Variants in PSG6 observed in about 807,000 individuals in gnomAD.
PSG6 encodes the protein pregnancy-specific beta-1-glycoprotein 6.
In PSG6, 51 loss-of-function variants were observed where a neutral mutation model predicts 43.3. The ratio of observed to expected loss-of-function variants is 1.18; its 90% CI spans 0.94 to 1.49. The LOEUF is 1.49. Ranked by LOEUF, PSG6 falls within the 40% of genes most tolerant of loss-of-function variation. The pLI, the probability that PSG6 is intolerant of heterozygous loss-of-function variation, is 0.00. For missense variants in PSG6, 770 were observed against 522.2 expected (o/e 1.47, Z -4.62); for synonymous variants, 292 against 197.6 (o/e 1.48, Z -4.01).
chr19:42,915,165 G>A (rs1972301719), intron 2 of PSG6: 1 of 151,670 alleles, frequency 6.6e-6, no homozygotes, highest in African/African-American at 2.4e-5. Context: ...TCCCCTTTGT[G>A]TTTGTGTGAC....
intron 5 of PSG6, among the ~76,000 whole-genome samples, chr19:42,902,662 T>A (rs1365865027): frequency 6.6e-6 from 1 of 151,590 alleles, no homozygotes; most frequent in Non-Finnish European, 1.5e-5. Flanking sequence ...TTCTCTTTCT[T>A]TTTCACAGGA....
intron 5 of PSG6, among the ~76,000 whole-genome samples, chr19:42,903,281 G>C (rs1217434075): frequency 2.6e-5 from 4 of 151,614 alleles, no homozygotes; most frequent in African/African-American, 9.7e-5. Context: ...TGAGGAATCA[G>C]GGGTTCAGAG....
At position 42,916,634 on chromosome 19, in the gene PSG6, A is replaced by T. The variant is rs1382959111; in HGVS notation, c.65-147T>A. The T allele has an allele frequency of 3.1e-6, 4 of 1,284,558 alleles. No homozygotes were observed. The East Asian group carries it at 7.1e-5, about 23-fold the overall frequency. The allele number at this position is 1,284,558 out of a possible 1,614,324, so 79.6% of individuals were successfully genotyped here. On this transcript the variant is annotated intron_variant, in intron 1 of 5. Transcript: ENST00000187910. Reference sequence around the variant, plus strand: ...TACAAACACACACACACAAAAGGGCATGTGTGTTTGTGTGTGTGTATGTGT... The same window carrying T: ...TACAAACACACACACACAAAAGGGCTTGTGTGTTTGTGTGTGTGTATGTGT...
intron 2 of PSG6, among the ~76,000 whole-genome samples, chr19:42,914,960 A>G (rs1470388588): frequency 2.8e-4 from 42 of 151,682 alleles, no homozygotes; most frequent in Admixed American, 1.4e-3. Flanking sequence ...TGGCGGTTGA[A>G]GCCAGTGATT....
intron 1 of PSG6, 151 bp from the exon 2 acceptor site, chr19:42,916,638 G>A: frequency 8.0e-7 from 1 of 1,246,248 alleles, no homozygotes; most frequent in African/African-American, 1.5e-5. Context: ...AAGGGCATGT[G>A]TGTTTGTGTG....
rs752804357 is a variant in PSG6 at position 42,910,682 on chromosome 19, A to G, written c.604T>C (p.Tyr202His). 1.2e-6 allele frequency: 2 copies of G among 1,612,388 alleles called. No individual in the cohort carries two copies. Among genetic ancestry groups the G allele is most frequent in the Non-Finnish European group, 1.7e-6 (2 of 1,179,264 alleles). ...ATATACTTTGTGACACCAAATAGATAGAGGGTCCTGTTGGTTTTGGACAGC... is the reference window on the plus strand; with the variant it reads ...ATATACTTTGTGACACCAAATAGATGGAGGGTCCTGTTGGTTTTGGACAGC... ...LQLSKTNRTL[Y>H]LFGVTKYIAG... The change falls in exon 3 of 6, where the codon TAT (tyrosine) becomes CAT (histidine). Residue 202 changes from tyrosine (Y) to histidine (H), a missense_variant. Tyr to His is a moderately conservative substitution (Grantham distance 83). Transcript: ENST00000187910.
chr19:42,908,987 C>T (rs1301841421), intron 3 of PSG6, among the ~76,000 whole-genome samples: 2 of 151,448 alleles, frequency 1.3e-5, no homozygotes, highest in African/African-American at 2.4e-5. Context: ...GAGCTTGATG[C>T]CTATAGTTCA....
chr19:42,916,150 A>T lies in PSG6; in HGVS notation c.402T>A (p.Thr134=). 6.2e-7 allele frequency: 1 copy of T among 1,611,896 alleles called. No homozygotes were observed. The change falls in exon 2 of 6, where the codon ACT becomes ACA. Residue 134 remains threonine (T), a synonymous_variant. Transcript: ENST00000187910. Reference sequence around the variant, plus strand: ...AGTATAAGGTGACAGTGAAATATCCAGTTACTCCTCCAGTCCCATCGCCTC... The same window carrying T: ...AGTATAAGGTGACAGTGAAATATCCTGTTACTCCTCCAGTCCCATCGCCTC... The part of the protein sequence containing the change: ...IKRGDGTGGV[T]GYFTVTLYSE...
chr19:42,905,950 C>T (rs1972104502), intron 5 of PSG6, among the ~76,000 whole-genome samples: 1 of 151,352 alleles, frequency 6.6e-6, no homozygotes, highest in African/African-American at 2.4e-5. Flanking sequence ...TTATTGGGTA[C>T]AGAGGTTTAA....
rs1418298109 is a variant in PSG6, at chr19:42,907,459, T to G, written c.985+117A>C. 50 of 1,546,732 alleles carry G rather than the reference T, an allele frequency of 3.2e-5. 1 individual carries two copies. Among genetic ancestry groups the G allele is most frequent in the South Asian group, 1.8e-4 (14 of 78,624 alleles). On this transcript the variant is annotated intron_variant, in intron 4 of 5. Coordinates refer to ENST00000187910, the MANE Select transcript of PSG6 (RefSeq NM_001031850.4). Reference sequence around the variant, plus strand: ...CAGGGCAGGGAGTCATGGCCAGGTCTGATGTCCAGAAGTAAAGTTGTCTAT... The same window carrying G: ...CAGGGCAGGGAGTCATGGCCAGGTCGGATGTCCAGAAGTAAAGTTGTCTAT...
chr19:42,908,445 G>GT (rs1230825127), intron 3 of PSG6, among the ~76,000 whole-genome samples: 1 of 151,594 alleles, frequency 6.6e-6, no homozygotes, highest in Admixed American at 6.6e-5. Flanking sequence ...AGGTGGGGCA[G>GT]TTTTTTTGCA....
Position 42,907,077 on chromosome 19 carries a change from TC to T in PSG6, c.1084del (p.Glu362SerfsTer47), listed in dbSNP as rs776871738. 2 of 1,612,732 alleles carry T rather than the reference TC, an allele frequency of 1.2e-6. No individual in the cohort carries two copies. Among genetic ancestry groups the T allele is most frequent in the South Asian group, 1.1e-5 (1 of 90,848 alleles). ...CTTCCCATTAATTGTCCAAGAATAC[TC>T]TGCCGGTGGGTTAGAGTCCGCAAAG... The part of the protein sequence containing the change: ...SCFADSNPPA[E>X]YSWTINGKFQ... On this transcript the variant is annotated frameshift_variant, in exon 5 of 6. Coordinates refer to ENST00000187910, the MANE Select transcript of PSG6 (RefSeq NM_001031850.4). LOFTEE classifies it high-confidence loss of function.
rs777772347 is a variant in PSG6 at position 42,910,461 on chromosome 19, T to C, written c.706+119A>G. The stretch of plus-strand genomic sequence containing the variant: ...CCTGGAGCAGAAAGTCATGGCCAGC[T>C]TTGATGTTCAGGGATAAAGGTCTCT... On this transcript the variant is annotated intron_variant, in intron 3 of 5. Transcript: ENST00000187910. 11 of 1,609,672 alleles carry C rather than the reference T, an allele frequency of 6.8e-6. 1 individual carries two copies. Among genetic ancestry groups the C allele is most frequent in the Non-Finnish European group, 8.5e-6 (10 of 1,177,240 alleles).
At chr19:42,904,888 A>C (rs1464972309) in intron 5 of PSG6, among the ~76,000 whole-genome samples, 1 of 151,734 alleles carries the variant, frequency 6.6e-6, no homozygotes, top group Admixed American at 6.6e-5. Context: ...TTCAGCATTT[A>C]CTACAAAGCC....
chr19:42,902,578 A>G (rs550546790), intron 5 of PSG6, 132 bp from the exon 6 acceptor site: 94 of 1,255,520 alleles, frequency 7.5e-5, no homozygotes, highest in African/African-American at 1.6e-4. Flanking sequence ...TTTAACTCCA[A>G]TGGGTGACTG....
chr19:42,905,448 A>T lies in PSG6; in HGVS notation c.1240+1474T>A, dbSNP rs529941698. On this transcript the variant is annotated intron_variant, in intron 5 of 5. Transcript: ENST00000187910. Reference sequence around the variant, plus strand: ...CAGGTGTTTCCAAGTAGATGGAAAAATTGGAGCTCTAGTGCATTGCTGATG... The same window carrying T: ...CAGGTGTTTCCAAGTAGATGGAAAATTTGGAGCTCTAGTGCATTGCTGATG... Among the ~76,000 whole-genome samples, 4 of 151,802 alleles carry T rather than the reference A, an allele frequency of 2.6e-5. No individual in the cohort carries two copies. In the East Asian group the frequency reaches 5.8e-4, roughly 22 times the overall value.
At chr19:42,914,205 G>T (rs958827209) in intron 2 of PSG6, among the ~76,000 whole-genome samples, 5 of 151,348 alleles carry the variant, frequency 3.3e-5, no homozygotes, top group Non-Finnish European at 7.4e-5. Context: ...TTAGTGACCT[G>T]GGGACATTGG....
rs541317143 is a variant in PSG6 at position 42,907,295 on chromosome 19, T to C, written c.986-119A>G. On this transcript the variant is annotated intron_variant, in intron 4 of 5. Transcript: ENST00000187910. ...GACACAACCTCAAGTGACAGCCAAA[T>C]CCCATCTATGTTTACTAAGCCCAAG... 1,259 of 1,497,918 alleles carry C rather than the reference T, an allele frequency of 8.4e-4. 27 individuals are homozygous for C. Among genetic ancestry groups the C allele is most frequent in the Non-Finnish European group, 7.6e-4 (845 of 1,115,980 alleles). The allele number at this position is 1,497,918 out of a possible 1,614,324, so 92.8% of individuals were successfully genotyped here.
Position 42,910,451 on chromosome 19 carries a change from C to T in PSG6, c.706+129G>A, listed in dbSNP as rs1438111024. Reference sequence around the variant, plus strand: ...CTCTGGTTTGCCTGGAGCAGAAAGTCATGGCCAGCTTTGATGTTCAGGGAT... The same window carrying T: ...CTCTGGTTTGCCTGGAGCAGAAAGTTATGGCCAGCTTTGATGTTCAGGGAT... On this transcript the variant is annotated intron_variant, in intron 3 of 5. Coordinates refer to ENST00000187910, the MANE Select transcript of PSG6 (RefSeq NM_001031850.4). The T allele has an allele frequency of 1.2e-6, 2 of 1,607,590 alleles. 1 individual carries two copies. The highest frequency in any genetic ancestry group is 2.2e-5 in the South Asian group (2 of 90,240).
Sources: allele counts gnomAD v4.1 joint callset (sites outside exome capture counted in the v4.1 genomes callset), GRCh38; gene constraint gnomAD v4.1.1; transcripts MANE v1.5; gene names NCBI Gene and HGNC (gene_info 2026-07-23, HGNC 2026-07-21).